The following TRIO variants were observed in gnomAD, a reference collection of about 807,000 sequenced individuals.
TRIO encodes triple functional domain protein.
Under a neutral mutation model 351.9 loss-of-function variants are expected in TRIO, and 58 were observed. That is an observed-to-expected ratio of 0.16 (90% CI 0.13 to 0.21). TRIO has a LOEUF of 0.21. Among genes scored for constraint, TRIO ranks in the 10% least tolerant of loss-of-function variants. The pLI is 1.00. For missense variants in TRIO, 3,201 were observed against 4,027.8 expected (o/e 0.79, Z 5.56); for synonymous variants, 1,758 against 1,595.7 (o/e 1.10, Z -2.42).
intron 34 of TRIO, among the ~76,000 whole-genome samples, chr5:14,439,833 C>T (rs27117): frequency 0.16 from 25,046 of 152,164 alleles, 2,135 homozygotes; most frequent in Middle Eastern, 0.26. Flanking sequence ...CTCCCCTCTG[C>T]AGCAGTTGGT....
At chr5:14,437,685 C>CA (rs1751695810) in intron 34 of TRIO, among the ~76,000 whole-genome samples, 3 of 124,382 alleles carry the variant, frequency 2.4e-5, no homozygotes, top group African/African-American at 1.0e-4. Flanking sequence ...GGATGAGGAC[C>CA]ACCCCCCCCG....
chr5:14,241,232 G>T (rs1039322432), intron 1 of TRIO, among the ~76,000 whole-genome samples: 2 of 152,242 alleles, frequency 1.3e-5, no homozygotes, highest in African/African-American at 4.8e-5. Flanking sequence ...ATTTTGGGGG[G>T]CCTTCCTCAT....
intron 1 of TRIO, among the ~76,000 whole-genome samples, chr5:14,192,713 G>T (rs1336252545): frequency 6.6e-6 from 1 of 152,168 alleles, no homozygotes; most frequent in East Asian, 1.9e-4. Context: ...AATAAGTGGA[G>T]TACATTAACT....
chr5:14,392,635 A>T (rs190218419), intron 27 of TRIO, among the ~76,000 whole-genome samples: 36 of 152,382 alleles, frequency 2.4e-4, no homozygotes, highest in African/African-American at 8.4e-4. Flanking sequence ...ACACACGTTT[A>T]TTGCGGCACT....
intron 1 of TRIO, among the ~76,000 whole-genome samples, chr5:14,223,633 A>G (rs1792790026): frequency 6.6e-6 from 1 of 152,216 alleles, no homozygotes; most frequent in Admixed American, 6.5e-5. Flanking sequence ...AGCCACATCC[A>G]GTGAGATTTG....
intron 1 of TRIO, among the ~76,000 whole-genome samples, chr5:14,191,805 G>A (rs977724885): frequency 1.3e-5 from 2 of 152,192 alleles, no homozygotes; most frequent in African/African-American, 4.8e-5. Context: ...AAGACTTCTT[G>A]TGGTTCTTAA....
At chr5:14,477,129 C>T (rs1475575721) in intron 41 of TRIO, 166 bp downstream of exon 41, 9 of 601,354 alleles carry the variant, frequency 1.5e-5, no homozygotes, top group Non-Finnish European at 2.0e-5. Context: ...CCTTCTTCAA[C>T]ATGAGTTACC....
At chr5:14,199,617 G>T (rs1015979584) in intron 1 of TRIO, among the ~76,000 whole-genome samples, 2 of 152,228 alleles carry the variant, frequency 1.3e-5, no homozygotes, top group Admixed American at 6.5e-5. Context: ...TCTTGGGCCT[G>T]TGGCATTCTG....
intron 55 of TRIO, among the ~76,000 whole-genome samples, chr5:14,506,010 G>T (rs961387740): frequency 2.0e-5 from 3 of 152,160 alleles, no homozygotes; most frequent in Admixed American, 2.0e-4. Context: ...GAGGGTTGTC[G>T]TGGGGCCGAG....
chr5:14,332,252 C>T (rs1165569167), intron 10 of TRIO, among the ~76,000 whole-genome samples: 4 of 152,212 alleles, frequency 2.6e-5, no homozygotes, highest in African/African-American at 9.6e-5. Flanking sequence ...TTTCTGTCAA[C>T]AGCTTTTCGT....
intron 17 of TRIO, 117 bp from the exon 18 acceptor site, chr5:14,369,257 G>A (rs1744866797): frequency 2.1e-6 from 3 of 1,418,396 alleles, no homozygotes; most frequent in Admixed American, 4.7e-5. Context: ...CCTTCTTATG[G>A]TCTTGATCCT....
rs7728765 is a variant in TRIO at position 14,379,338 on chromosome 5, G to T, written c.3447+1211G>T. 6.5e-3 allele frequency among the ~76,000 whole-genome samples: 989 copies of T among 152,326 alleles called. 10 individuals carry two copies. The highest frequency in any genetic ancestry group is 0.022 in the African/African-American group (921 of 41,564). On this transcript the variant is annotated intron_variant, in intron 20 of 56. Transcript: ENST00000344204. ...TGAAGAAAAATTAACTTTCTTAGCA[G>T]AGGTTTCCCACTTAAGGAACAGCTC...
chr5:14,196,897 T>G (rs1307487685), intron 1 of TRIO, among the ~76,000 whole-genome samples: 1 of 152,218 alleles, frequency 6.6e-6, no homozygotes, highest in East Asian at 1.9e-4. Flanking sequence ...TATCCGAAAA[T>G]TATCAAAGGC....
chr5:14,448,253 AGAG>A (rs1170589962), intron 34 of TRIO, among the ~76,000 whole-genome samples: 2 of 152,260 alleles, frequency 1.3e-5, no homozygotes, highest in Admixed American at 6.5e-5. Flanking sequence ...CCACACAACT[AGAG>A]GAGCATTCAG....
rs750517849 is a variant in TRIO, at chr5:14,406,685, C to T, written c.4959+13C>T. The T allele has an allele frequency of 3.3e-5, 53 of 1,612,754 alleles. No homozygotes were observed. Among genetic ancestry groups the T allele is most frequent in the Non-Finnish European group, 3.6e-5 (43 of 1,179,264 alleles). ...GGACAGCGATAAGGTGAGTCACTGCCGGCACTTTGTGTGCGGAGGGGAATG... is the reference window on the plus strand; with the variant it reads ...GGACAGCGATAAGGTGAGTCACTGCTGGCACTTTGTGTGCGGAGGGGAATG... On this transcript the variant is annotated intron_variant, in intron 33 of 56. Coordinates refer to ENST00000344204, the MANE Select transcript of TRIO (RefSeq NM_007118.4).
chr5:14,451,352 AT>A (rs1248646341), intron 34 of TRIO, among the ~76,000 whole-genome samples: 6 of 152,162 alleles, frequency 3.9e-5, no homozygotes, highest in African/African-American at 1.4e-4. Flanking sequence ...GGCCACCTTG[AT>A]TCCAAAAGCA....
chr5:14,311,338 T>G (rs1738912181), intron 8 of TRIO, among the ~76,000 whole-genome samples: 1 of 152,180 alleles, frequency 6.6e-6, no homozygotes, highest in African/African-American at 2.4e-5. Flanking sequence ...ACTGATCTGG[T>G]TTTGAATAAG....
At chr5:14,257,619 C>G (rs945046243) in intron 1 of TRIO, among the ~76,000 whole-genome samples, 24 of 152,262 alleles carry the variant, frequency 1.6e-4, no homozygotes, top group Admixed American at 1.6e-3. Flanking sequence ...AGTGGCTTGA[C>G]TTTCCCATTG....
rs1025059119 is a variant in TRIO, at chr5:14,476,813, A to G, written c.6084-81A>G. On this transcript the variant is annotated intron_variant, in intron 40 of 56. Coordinates refer to ENST00000344204, the MANE Select transcript of TRIO (RefSeq NM_007118.4). ...TCTCAAAAAAAAAAAAGAAAAAAAG[A>G]AAAAGAAAAAATGTAAACCTAAATC... 8.9e-6 allele frequency: 11 copies of G among 1,241,766 alleles called. No individual in the cohort carries two copies. In the African/African-American group the frequency reaches 1.9e-4, roughly 21 times the overall value. 76.9% of individuals were successfully genotyped at this position (1,241,766 alleles called of 1,614,324 possible).
Sources: gnomAD v4.1 joint callset for allele counts (sites outside exome capture counted in the v4.1 genomes callset) on GRCh38, gnomAD v4.1.1 for gene constraint, MANE v1.5 for transcripts, NCBI Gene and HGNC (gene_info 2026-07-23, HGNC 2026-07-21) for gene names.